The following CNIH3 variants were observed in gnomAD, a reference collection of about 807,000 sequenced individuals.
CNIH3 encodes protein cornichon homolog 3.
A neutral mutation model predicts 24.1 loss-of-function variants in CNIH3; 14 were observed. The ratio of observed to expected loss-of-function variants is 0.58; its 90% CI spans 0.38 to 0.91. The LOEUF is 0.91. Ranked by LOEUF, CNIH3 falls within the 40% of genes least tolerant of loss-of-function variation. The pLI, the probability that CNIH3 is intolerant of heterozygous loss-of-function variation, is 0.00. For synonymous variants in CNIH3, 68 were observed against 73.8 expected (o/e 0.92, Z 0.40); for missense variants, 178 against 196.8 (o/e 0.90, Z 0.57).
intron 3 of CNIH3, among the ~76,000 whole-genome samples, chr1:224,696,218 C>T (rs1360545595): frequency 2.0e-5 from 3 of 152,178 alleles, no homozygotes; most frequent in African/African-American, 7.2e-5. Context: ...ACCATGAGGA[C>T]ATCACATCAT....
At chr1:224,488,720 G>A (rs1418522647) in intron 1 of CNIH3, among the ~76,000 whole-genome samples, 2 of 151,870 alleles carry the variant, frequency 1.3e-5, no homozygotes, top group Non-Finnish European at 2.9e-5. Context: ...CTCCTGCCCC[G>A]TCTTTCCAAA....
intron 3 of CNIH3, among the ~76,000 whole-genome samples, chr1:224,701,531 C>T (rs1687490705): frequency 6.6e-6 from 1 of 152,156 alleles, no homozygotes; most frequent in Non-Finnish European, 1.5e-5. Flanking sequence ...CTAATCAACT[C>T]CCAGAGACCC....
intron 3 of CNIH3, among the ~76,000 whole-genome samples, chr1:224,707,484 C>T (rs908442612): frequency 1.4e-5 from 2 of 140,354 alleles, no homozygotes; most frequent in African/African-American, 5.1e-5. Flanking sequence ...GAGAGTTAAC[C>T]ACAAAGTTCA....
intron 5 of CNIH3, among the ~76,000 whole-genome samples, chr1:224,585,191 A>G (rs774139366): frequency 1.1e-4 from 16 of 152,250 alleles, no homozygotes; most frequent in Non-Finnish European, 2.1e-4. Context: ...CCCTTTGTTC[A>G]TAATGCCTTC....
chr1:224,478,511 A>AT (rs1480296288), intron 1 of CNIH3, among the ~76,000 whole-genome samples: 1 of 152,034 alleles, frequency 6.6e-6, no homozygotes, highest in Non-Finnish European at 1.5e-5. Context: ...AATTATTTCA[A>AT]TTTTTGTTAA....
At chr1:224,723,256 A>G (rs115500654) in intron 3 of CNIH3, among the ~76,000 whole-genome samples, 3,435 of 152,272 alleles carry the variant, frequency 0.023, 130 homozygotes, top group African/African-American at 0.079. Flanking sequence ...GCTAAGTCCC[A>G]ACAGGGGCCT....
chr1:224,458,498 G>C lies in CNIH3; in HGVS notation n.203+23636G>C, dbSNP rs1001651116. Among the ~76,000 whole-genome samples the C allele has an allele frequency of 6.6e-6, 1 of 152,154 alleles. No individual in the cohort carries two copies. On this transcript the variant is annotated intron_variant and non_coding_transcript_variant, in intron 1 of 5. Transcript: ENST00000471578. This position sits in a 1 kb window ranked among gnomAD's most constrained non-coding sequence, Gnocchi z 4.3. ...GAGAAGGGCTGGGATTGTGGCCTGC[G>C]GTTGGTGGGCAGGAGAGCCTGGTCT...
At chr1:224,594,431 T>G (rs1209956793) in intron 3 of CNIH3, among the ~76,000 whole-genome samples, 1 of 152,142 alleles carries the variant, frequency 6.6e-6, no homozygotes, top group Non-Finnish European at 1.5e-5. Context: ...GTGGGTACTG[T>G]TCTATGTTAT....
intron 3 of CNIH3, among the ~76,000 whole-genome samples, chr1:224,552,618 G>A (rs1249051185): frequency 1.3e-5 from 2 of 151,698 alleles, no homozygotes; most frequent in African/African-American, 2.4e-5. Flanking sequence ...ATCACAGGGT[G>A]TACACCAACT....
At chr1:224,453,874 C>T (rs2102970023) in intron 1 of CNIH3, among the ~76,000 whole-genome samples, 1 of 152,212 alleles carries the variant, frequency 6.6e-6, no homozygotes, top group African/African-American at 2.4e-5. Context: ...AGAAATGGGA[C>T]CCTTCTTTAT....
chr1:224,624,329 GTTC>G (rs964484929), intron 1 of CNIH3, among the ~76,000 whole-genome samples: 4 of 152,056 alleles, frequency 2.6e-5, no homozygotes, highest in Non-Finnish European at 4.4e-5. Context: ...TCCCCTGTGG[GTTC>G]TTCTTTCTGT....
chr1:224,504,759 G>A (rs904786009), intron 1 of CNIH3, among the ~76,000 whole-genome samples: 1 of 152,200 alleles, frequency 6.6e-6, no homozygotes, highest in African/African-American at 2.4e-5. Context: ...CTTGGGGTAA[G>A]TAATTTAACC....
At chr1:224,610,573 G>C (rs909519147) in intron 3 of CNIH3, among the ~76,000 whole-genome samples, 4 of 152,156 alleles carry the variant, frequency 2.6e-5, no homozygotes, top group Admixed American at 2.6e-4. Flanking sequence ...TGAACTGTGA[G>C]TCAATGAAAC....
chr1:224,527,299 C>T (rs758376723), intron 2 of CNIH3, among the ~76,000 whole-genome samples: 21 of 152,228 alleles, frequency 1.4e-4, no homozygotes, highest in African/African-American at 3.1e-4. Flanking sequence ...TGTAAATAAC[C>T]GCATTTATCA....
At position 224,604,962 on chromosome 1, in the gene CNIH3, G is replaced by T. The variant is rs1274750291; in HGVS notation, n.402+38698G>T. 1.3e-5 allele frequency among the ~76,000 whole-genome samples: 2 copies of T among 152,200 alleles called. No homozygotes were observed. Among genetic ancestry groups the T allele is most frequent in the African/African-American group, 2.4e-5 (1 of 41,462 alleles). On this transcript the variant is annotated intron_variant and non_coding_transcript_variant, in intron 3 of 7. Transcript: ENST00000478120. The surrounding 1 kb of genome is among the most constrained non-coding windows in gnomAD (Gnocchi z 4.4). Reference sequence around the variant, plus strand: ...GGTCCTGCTACCTGAAAGCAGGAAAGTTCCCTGTGTGGTTGGGTCCAGGGC... The same window carrying T: ...GGTCCTGCTACCTGAAAGCAGGAAATTTCCCTGTGTGGTTGGGTCCAGGGC...
intron 1 of CNIH3, among the ~76,000 whole-genome samples, chr1:224,453,470 G>C (rs985774346): frequency 2.0e-5 from 3 of 151,946 alleles, no homozygotes; most frequent in Non-Finnish European, 2.9e-5. Context: ...TTACAGACGT[G>C]AGCCACTCTA....
At chr1:224,511,191 G>C (rs769104435), upstream of CNIH3, among the ~76,000 whole-genome samples, 1 of 152,198 alleles carries the variant, frequency 6.6e-6, no homozygotes, top group African/African-American at 2.4e-5. Flanking sequence ...CACAGTTGTG[G>C]TTAGGCCAGA....
chr1:224,643,063 T>G (rs1175199047), intron 1 of CNIH3, among the ~76,000 whole-genome samples: 3 of 152,198 alleles, frequency 2.0e-5, no homozygotes, highest in Non-Finnish European at 4.4e-5. Flanking sequence ...TGTGGACACA[T>G]CTGCGGCCCT....
intron 1 of CNIH3, among the ~76,000 whole-genome samples, chr1:224,673,277 AG>A (rs1685960415): frequency 6.6e-6 from 1 of 152,224 alleles, no homozygotes. Context: ...CCAATGGAAT[AG>A]ATGGGCTAAA....
Sources: gnomAD v4.1 joint callset for allele counts (sites outside exome capture counted in the v4.1 genomes callset) on GRCh38, gnomAD v4.1.1 for gene constraint, Gnocchi (gnomAD v3.1) non-coding constraint, MANE v1.5 for transcripts, NCBI Gene and HGNC (gene_info 2026-07-23, HGNC 2026-07-21) for gene names.